The following ABCG2 variants were observed in gnomAD, a reference collection of about 807,000 sequenced individuals.
ABCG2 encodes the protein broad substrate specificity ATP-binding cassette transporter ABCG2.
In ABCG2, 80 loss-of-function variants were observed where a neutral mutation model predicts 73.5. That is an observed-to-expected ratio of 1.09 (90% CI 0.91 to 1.31). The LOEUF is 1.31. Ranked by LOEUF, ABCG2 falls within the 50% of genes most tolerant of loss-of-function variation. ABCG2 has a pLI of 0.00. For synonymous variants in ABCG2, 269 were observed against 282.4 expected, an observed-to-expected ratio of 0.95 and a Z score of 0.48; for missense variants, 796 against 786.2, an observed-to-expected ratio of 1.01 and a Z score of -0.15.
chr4:88,216,277 A>T (rs1729808873), intron 1 of ABCG2, among the ~76,000 whole-genome samples: 1 of 152,206 alleles, frequency 6.6e-6, no homozygotes, highest in Non-Finnish European at 1.5e-5. Context: ...AACTAATTGA[A>T]AAATTGGTGA....
chr4:88,218,172 A>G (rs563489229), intron 1 of ABCG2, among the ~76,000 whole-genome samples: 3 of 152,066 alleles, frequency 2.0e-5, no homozygotes, highest in South Asian at 4.2e-4. Flanking sequence ...TCAAATGTCA[A>G]CCTCTTAACA....
At chr4:88,160,134 G>A (rs1481384216), upstream of ABCG2, among the ~76,000 whole-genome samples, 1 of 151,628 alleles carries the variant, frequency 6.6e-6, no homozygotes, top group African/African-American at 2.4e-5. Context: ...CCAGCTACTC[G>A]CGAGGCTAAG....
At chr4:88,124,832 A>G (rs1724271499) in intron 5 of ABCG2, among the ~76,000 whole-genome samples, 1 of 152,142 alleles carries the variant, frequency 6.6e-6, no homozygotes, top group Non-Finnish European at 1.5e-5. Flanking sequence ...AGAACTCTCT[A>G]CCCCAAAGCA....
chr4:88,098,031 TG>T (rs1037951434), intron 12 of ABCG2, among the ~76,000 whole-genome samples: 12 of 151,744 alleles, frequency 7.9e-5, no homozygotes, highest in Admixed American at 4.6e-4. Flanking sequence ...TTGTAGTATC[TG>T]GGGGAGGGGG....
intron 1 of ABCG2, among the ~76,000 whole-genome samples, chr4:88,217,243 A>C (rs1229766338): frequency 6.6e-6 from 1 of 152,264 alleles, no homozygotes; most frequent in Non-Finnish European, 1.5e-5. Context: ...GGCTTGATAG[A>C]ACAGTGAATT....
chr4:88,115,201 C>A (rs2725261), intron 7 of ABCG2, 143 bp from the exon 8 acceptor site: 1 of 474,018 alleles, frequency 2.1e-6, no homozygotes, highest in Non-Finnish European at 3.6e-6. Flanking sequence ...CTTCTTCCCA[C>A]GTAATTTTAC....
At chr4:88,190,310 T>C (rs1350942717) in intron 1 of ABCG2, among the ~76,000 whole-genome samples, 2 of 152,176 alleles carry the variant, frequency 1.3e-5, no homozygotes, top group Non-Finnish European at 2.9e-5. Context: ...ATTTTCTCAC[T>C]TTATATCCCT....
chr4:88,175,454 A>G (rs1303334161), intron 1 of ABCG2, among the ~76,000 whole-genome samples: 1 of 152,234 alleles, frequency 6.6e-6, no homozygotes, highest in African/African-American at 2.4e-5. Context: ...ATTTTATTTA[A>G]AGAGAACACT....
At chr4:88,106,027 A>G (rs1248070150) in intron 10 of ABCG2, among the ~76,000 whole-genome samples, 1 of 152,212 alleles carries the variant, frequency 6.6e-6, no homozygotes, top group Non-Finnish European at 1.5e-5. Flanking sequence ...CCACTGTGGA[A>G]GACGGTATAG....
At chr4:88,160,709 C>G (rs979268400), upstream of ABCG2, among the ~76,000 whole-genome samples, 1 of 151,752 alleles carries the variant, frequency 6.6e-6, no homozygotes, top group African/African-American at 2.4e-5. Flanking sequence ...ATTAGCCGGG[C>G]ATGGTGGCTC....
Position 88,113,476 on chromosome 4 carries a change from A to C in ABCG2, c.1021T>G (p.Phe341Val). 1 of 1,614,112 alleles carries C rather than the reference A, an allele frequency of 6.2e-7. No homozygotes were observed. Among genetic ancestry groups the C allele is most frequent in the Non-Finnish European group, 8.5e-7 (1 of 1,180,002 alleles). ...AATTCAGCTTTTGTCTCTTTGTAGA[A>C]GGAGGAGTTGACATAAATCTCCGCT... ...KLAEIYVNSS[F>V]YKETKAELHQ... is the part of the protein sequence containing the mutation. Residue 341 changes from phenylalanine (F) to valine (V), a missense_variant, in exon 9 of 16, where the codon TTC (phenylalanine) becomes GTC (valine). Physicochemically the swap from Phe to Val is conservative, Grantham distance 50 (BLOSUM62 -1). Coordinates refer to ENST00000237612, the MANE Select transcript of ABCG2 (RefSeq NM_004827.3).
At chr4:88,137,368 T>A (rs1320838962) in intron 2 of ABCG2, among the ~76,000 whole-genome samples, 1 of 152,210 alleles carries the variant, frequency 6.6e-6, no homozygotes, top group Non-Finnish European at 1.5e-5. Flanking sequence ...AATGGAGTTC[T>A]GGAATAATGT....
chr4:88,122,332 G>T (rs6814793), intron 5 of ABCG2, among the ~76,000 whole-genome samples: 29,758 of 151,916 alleles, frequency 0.2, 3,953 homozygotes, highest in Non-Finnish European at 0.29. Context: ...CACTCCCCTG[G>T]AAAAGGGGCT....
intron 2 of ABCG2, among the ~76,000 whole-genome samples, chr4:88,137,381 G>T (rs1725326821): frequency 6.6e-6 from 1 of 152,176 alleles, no homozygotes; most frequent in African/African-American, 2.4e-5. Context: ...AATAATGTCA[G>T]TTTATCTCTC....
chr4:88,212,330 T>C (rs1286406169), intron 1 of ABCG2, among the ~76,000 whole-genome samples: 14 of 152,186 alleles, frequency 9.2e-5, no homozygotes, highest in Admixed American at 2.0e-4. Context: ...GCTGCCATCT[T>C]CAGATTTCAG....
chr4:88,104,841 G>T (rs1010026133), intron 10 of ABCG2, among the ~76,000 whole-genome samples: 1 of 152,138 alleles, frequency 6.6e-6, no homozygotes, highest in Non-Finnish European at 1.5e-5. Flanking sequence ...GAAAACATCT[G>T]AAGAAACACC....
chr4:88,170,806 C>T (rs547528704), intron 1 of ABCG2, among the ~76,000 whole-genome samples: 12 of 152,316 alleles, frequency 7.9e-5, no homozygotes, highest in Admixed American at 5.2e-4. Context: ...CAGTTATAAA[C>T]CTAACGTTTT....
intron 1 of ABCG2, among the ~76,000 whole-genome samples, chr4:88,216,784 C>G (rs1022634286): frequency 6.6e-6 from 1 of 152,178 alleles, no homozygotes; most frequent in Admixed American, 6.5e-5. Flanking sequence ...AATTCCAGCA[C>G]TTTGGGAGGC....
rs753759474 is a variant in ABCG2 at position 88,131,134 on chromosome 4, G to A, written c.458C>T (p.Thr153Met). Reference sequence around the variant, plus strand: ...AATCCGTTCGTTTTTTTCATGATTCGTCATAGTTGTTGCAAGCCGAAGAGC... The same window carrying A: ...AATCCGTTCGTTTTTTTCATGATTCATCATAGTTGTTGCAAGCCGAAGAGC... ...SAALRLATTM[T>M]NHEKNERINR... The change falls in exon 5 of 16, where the codon ACG (threonine) becomes ATG (methionine). Residue 153 changes from threonine to methionine, a missense_variant. Physicochemically the swap from Thr to Met is moderately conservative, Grantham distance 81 (BLOSUM62 -1). Coordinates refer to ENST00000237612, the MANE Select transcript of ABCG2 (RefSeq NM_004827.3). The A allele has an allele frequency of 3.6e-5, 58 of 1,613,686 alleles. No individual in the cohort carries two copies. Among genetic ancestry groups the A allele is most frequent in the Non-Finnish European group, 4.2e-5 (49 of 1,179,962 alleles).
Sources: allele counts gnomAD v4.1 joint callset (sites outside exome capture counted in the v4.1 genomes callset), GRCh38; gene constraint gnomAD v4.1.1; transcripts MANE v1.5; gene names NCBI Gene and HGNC (gene_info 2026-07-23, HGNC 2026-07-21).